The following INPP5B variants were observed in gnomAD, a reference collection of about 807,000 sequenced individuals.
INPP5B encodes the protein type II inositol 1,4,5-trisphosphate 5-phosphatase.
In INPP5B, 90 loss-of-function variants were observed where a neutral mutation model predicts 118.5. The observed-to-expected ratio is 0.76, with a 90% CI of 0.64 to 0.90. The LOEUF is 0.90. Ranked by LOEUF, INPP5B falls within the 40% of genes least tolerant of loss-of-function variation. INPP5B has a pLI of 0.00. For synonymous variants in INPP5B, 385 were observed against 418.9 expected (o/e 0.92, Z 0.99); for missense variants, 984 against 1,125.6 (o/e 0.87, Z 1.80).
At chr1:37,889,750 A>G (rs1293045460) in intron 8 of INPP5B, 26 bp from the exon 9 acceptor site, 2 of 1,578,568 alleles carry the variant, frequency 1.3e-6, no homozygotes, top group Admixed American at 1.7e-5. Flanking sequence ...TATTTTTTTC[A>G]TATGTGGATG....
intron 7 of INPP5B, among the ~76,000 whole-genome samples, chr1:37,917,118 GTC>G (rs937382865): frequency 6.7e-6 from 1 of 149,190 alleles, no homozygotes; most frequent in African/African-American, 2.5e-5. Flanking sequence ...GTGAAACCCC[GTC>G]TCTACTAAAA....
intron 17 of INPP5B, among the ~76,000 whole-genome samples, chr1:37,874,531 C>T (rs1169425301): frequency 2.0e-5 from 3 of 152,196 alleles, no homozygotes; most frequent in African/African-American, 7.2e-5. Flanking sequence ...GCCACAGTGG[C>T]TCAGGCCCAT....
At chr1:37,918,644 G>C (rs1191716748) in intron 7 of INPP5B, among the ~76,000 whole-genome samples, 4 of 152,220 alleles carry the variant, frequency 2.6e-5, no homozygotes, top group African/African-American at 9.7e-5. Context: ...AATAGAGCTG[G>C]TGATGTTACT....
In INPP5B at chr1:37,936,845, G is replaced by A. The variant is rs543387668; in HGVS notation, c.391+3843C>T. 1.7e-4 allele frequency among the ~76,000 whole-genome samples: 26 copies of A among 151,668 alleles called. No individual in the cohort carries two copies. In the South Asian group the frequency reaches 5.4e-3, roughly 32 times the overall value. Reference sequence around the variant, plus strand: ...GCCTTCCAAACTGCTGGGATTACAGGCATGAGCCACCGTGCCTGGCCTGGA... The same window carrying A: ...GCCTTCCAAACTGCTGGGATTACAGACATGAGCCACCGTGCCTGGCCTGGA... On this transcript the variant is annotated intron_variant, in intron 6 of 23. Coordinates refer to ENST00000373024, the MANE Select transcript of INPP5B (RefSeq NM_005540.3).
Position 37,913,286 on chromosome 1 carries a change from A to G in INPP5B, c.532+18627T>C, listed in dbSNP as rs531580422. On this transcript the variant is annotated intron_variant, in intron 7 of 23. Transcript: ENST00000373024. ...AACAAAAACAAAAACAACAAAAAAC[A>G]TTTTTTAAATGAAGAGTGTTGTTTT... Among the ~76,000 whole-genome samples, 37 of 152,206 alleles carry G rather than the reference A, an allele frequency of 2.4e-4. 1 individual carries two copies. Among genetic ancestry groups the G allele is most frequent in the Non-Finnish European group, 4.4e-4 (30 of 68,012 alleles).
intron 4 of INPP5B, 37 bp from the exon 5 acceptor site, chr1:37,943,706 A>C (rs1421766844): frequency 2.5e-6 from 4 of 1,613,678 alleles, no homozygotes; most frequent in Middle Eastern, 1.7e-4. Flanking sequence ...TTAGCAATTG[A>C]GCTTACTCCC....
intron 13 of INPP5B, 158 bp from the exon 14 acceptor site, chr1:37,883,076 T>G: frequency 2.0e-6 from 2 of 985,432 alleles, no homozygotes; most frequent in Non-Finnish European, 2.4e-6. Context: ...CGCCATCCCA[T>G]TTAATAATCT....
chr1:37,885,677 G>A lies in INPP5B; in HGVS notation c.1280C>T (p.Pro427Leu), dbSNP rs1643487619. 6.2e-7 allele frequency: 1 copy of A among 1,613,954 alleles called. No individual in the cohort carries two copies. Among genetic ancestry groups the A allele is most frequent in the African/African-American group, 1.3e-5 (1 of 74,908 alleles). The change falls in exon 13 of 24, where the codon CCT becomes CTT. Residue 427 changes from proline (P) to leucine (L), a missense_variant. Pro to Leu is a moderately conservative substitution (Grantham distance 98). Transcript: ENST00000373024. ...DICSRMQFCQ[P>L]DPSLPPLTIS... is the part of the protein sequence containing the mutation. ...GGTGAGAGGGGGAAGGCTTGGGTCA[G>A]GCTGACAAAACTGCATTCGAGAACA...
chr1:37,931,721 CT>C, intron 7 of INPP5B, 191 bp downstream of exon 7: 1 of 1,562,042 alleles, frequency 6.4e-7, no homozygotes, highest in Non-Finnish European at 8.7e-7. Context: ...ATTTCCCTGC[CT>C]GCTTCCTCAA....
chr1:37,926,935 T>C (rs775089946), intron 7 of INPP5B, among the ~76,000 whole-genome samples: 1 of 151,612 alleles, frequency 6.6e-6, no homozygotes, highest in East Asian at 1.9e-4. Flanking sequence ...AAAAGGAAGT[T>C]AACAGCATCC....
intron 14 of INPP5B, among the ~76,000 whole-genome samples, chr1:37,881,043 T>C (rs946397704): frequency 1.2e-4 from 19 of 152,196 alleles, no homozygotes; most frequent in Admixed American, 9.2e-4. Context: ...CATAAGAGCA[T>C]AGCTACACCC....
rs779608429 is a variant in INPP5B at position 37,931,953 on chromosome 1, C to G, written c.492G>C (p.Ser164=). Residue 164 remains serine, a synonymous_variant, in exon 7 of 24, where the codon TCG becomes TCC. Coordinates refer to ENST00000373024, the MANE Select transcript of INPP5B (RefSeq NM_005540.3). The part of the protein sequence containing the change: ...LEMPTPRGCN[S]ALVTWPGYAT... Reference sequence around the variant, plus strand: ...CGTACCCTGGCCAGGTAACTAGGGCCGAGTTACAACCGCGCGGCGTTGGCA... The same window carrying G: ...CGTACCCTGGCCAGGTAACTAGGGCGGAGTTACAACCGCGCGGCGTTGGCA... 4 of 1,614,034 alleles carry G rather than the reference C, an allele frequency of 2.5e-6. No individual in the cohort carries two copies. The highest frequency in any genetic ancestry group is 2.5e-6 in the Non-Finnish European group (3 of 1,180,002).
chr1:37,865,800 GT>G lies in INPP5B; in HGVS notation c.2474del (p.Asn825ThrfsTer30). ...EPVICYSTYH[N>X]CLECSGNYTA... is the part of the protein sequence containing the mutation. ...TGTAGTTGCCAGAACACTCCAAGCA[GT>G]TATGGTAGGTGCTGTAACAGATGAC... On this transcript the variant is annotated frameshift_variant, in exon 22 of 24. Transcript: ENST00000373024. LOFTEE classifies it high-confidence loss of function. 1 of 1,613,846 alleles carries G rather than the reference GT, an allele frequency of 6.2e-7. No homozygotes were observed. Among genetic ancestry groups the G allele is most frequent in the Non-Finnish European group, 8.5e-7 (1 of 1,179,794 alleles).
intron 7 of INPP5B, among the ~76,000 whole-genome samples, chr1:37,901,862 C>T (rs1644344776): frequency 6.6e-6 from 1 of 152,178 alleles, no homozygotes; most frequent in Non-Finnish European, 1.5e-5. Context: ...TCCTGCTTCC[C>T]TACTCCCACT....
At chr1:37,927,963 A>G (rs1450268242) in intron 7 of INPP5B, among the ~76,000 whole-genome samples, 1 of 152,164 alleles carries the variant, frequency 6.6e-6, no homozygotes, top group East Asian at 1.9e-4. Context: ...TATTAATGCA[A>G]AGGCAAAGAA....
At position 37,878,324 on chromosome 1, in the gene INPP5B, C is replaced by T. The variant is rs757701759; in HGVS notation, c.1542-1G>A. ...CCAGGCAGGAGCACGGCACTTCTCA[C>T]TGAAATGCAAAGTCCACACTGGAAG... On this transcript the variant is annotated splice_acceptor_variant, in intron 15 of 23. Transcript: ENST00000373024. LOFTEE classifies it high-confidence loss of function. 1.9e-6 allele frequency: 3 copies of T among 1,613,782 alleles called. No homozygotes were observed. The highest frequency in any genetic ancestry group is 2.2e-5 in the East Asian group (1 of 44,888).
At chr1:37,925,665 AT>A (rs1444883444) in intron 7 of INPP5B, among the ~76,000 whole-genome samples, 1 of 151,688 alleles carries the variant, frequency 6.6e-6, no homozygotes, top group African/African-American at 2.4e-5. Flanking sequence ...CTCCCTGAGG[AT>A]TTTTCTGTTC....
chr1:37,865,973 T>A, intron 21 of INPP5B, 85 bp from the exon 22 acceptor site: 1 of 1,572,210 alleles, frequency 6.4e-7, no homozygotes, highest in Admixed American at 1.7e-5. Context: ...CCAGAAGTGC[T>A]GCCTGCCCTG....
intron 16 of INPP5B, among the ~76,000 whole-genome samples, chr1:37,877,058 G>A (rs1313265854): frequency 6.8e-6 from 1 of 146,590 alleles, no homozygotes; most frequent in Non-Finnish European, 1.5e-5. Context: ...ACAAAACAGT[G>A]TCTTTTGAAA....
Sources: allele counts gnomAD v4.1 joint callset (sites outside exome capture counted in the v4.1 genomes callset), GRCh38; gene constraint gnomAD v4.1.1; transcripts MANE v1.5; gene names NCBI Gene and HGNC (gene_info 2026-07-23, HGNC 2026-07-21).